The following CELSR1 variants were observed in gnomAD, a reference collection of about 807,000 sequenced individuals.
The protein encoded by CELSR1 is cadherin EGF LAG seven-pass G-type receptor 1.
CELSR1 carries 110 observed loss-of-function variants against 249.1 expected under a neutral mutation model. That is an observed-to-expected ratio of 0.44 (90% CI 0.38 to 0.52). The LOEUF (loss-of-function observed/expected upper bound fraction) is 0.52. CELSR1 is among the 20% of genes least tolerant of loss of function. CELSR1 has a pLI of 0.00. For synonymous variants in CELSR1, 2,113 were observed against 1,900.0 expected, an observed-to-expected ratio of 1.11 and a Z score of -2.92; for missense variants, 4,109 against 4,296.4, an observed-to-expected ratio of 0.96 and a Z score of 1.22.
Position 46,381,859 on chromosome 22 carries a change from G to A in CELSR1, c.7075C>T (p.Arg2359Cys), listed in dbSNP as rs866920467. The change falls in exon 21 of 35, where the codon CGT (arginine) becomes TGT (cysteine). Residue 2359 changes from arginine to cysteine, a missense_variant. By Grantham distance (180) the Arg-to-Cys change is radical (BLOSUM62 -3). Coordinates refer to ENST00000674500, the MANE Select transcript of CELSR1 (RefSeq NM_001378328.1). This position sits in a 1 kb window ranked among gnomAD's most constrained non-coding sequence, Gnocchi z 6.0. ...CCCAGGCCTTACCGGAGGCTGCGAC[G>A]GTCGGGGTCGTAGCGCTCGGGCAGG... ...QLLPERYDPD[R>C]RSLRLPHRPI... is the part of the protein sequence containing the mutation. 1.5e-5 allele frequency: 23 copies of A among 1,559,790 alleles called. No homozygotes were observed. Among genetic ancestry groups the A allele is most frequent in the Admixed American group, 7.5e-5 (4 of 53,164 alleles).
At chr22:46,515,692 A>G (rs2080619692) in intron 1 of CELSR1, among the ~76,000 whole-genome samples, 1 of 152,120 alleles carries the variant, frequency 6.6e-6, no homozygotes, top group South Asian at 2.1e-4. Context: ...TCAGGGGATG[A>G]CTAAGTCACT....
intron 29 of CELSR1, 40 bp downstream of exon 29, chr22:46,366,953 G>GT: frequency 6.4e-7 from 1 of 1,569,848 alleles, no homozygotes; most frequent in Non-Finnish European, 8.6e-7. Flanking sequence ...TCGAGATGCC[G>GT]CCCAGCCCCC....
intron 4 of CELSR1, among the ~76,000 whole-genome samples, chr22:46,435,448 A>C (rs971383951): frequency 1.3e-5 from 2 of 150,234 alleles, no homozygotes; most frequent in Non-Finnish European, 3.0e-5. Context: ...TACCTGGCTA[A>C]TTTTTGTATT....
At chr22:46,389,521 G>C in intron 17 of CELSR1, 22 bp from the exon 18 acceptor site, 1 of 1,611,910 alleles carries the variant, frequency 6.2e-7, no homozygotes, top group Non-Finnish European at 8.5e-7. Flanking sequence ...AGGCAGTCGT[G>C]ATGTGTGCAA....
chr22:46,390,045 G>A lies in CELSR1; in HGVS notation c.6345+347C>T, dbSNP rs1203996859. Among the ~76,000 whole-genome samples, 1 of 152,204 alleles carries A rather than the reference G, an allele frequency of 6.6e-6. No homozygotes were observed. The highest frequency in any genetic ancestry group is 1.5e-5 in the Non-Finnish European group (1 of 68,032). ...GGTCTGGTGGGCCAAAGAGGGCTCAGAGAAAGATAGCGAGTGGGAGACGTG... is the reference window on the plus strand; with the variant it reads ...GGTCTGGTGGGCCAAAGAGGGCTCAAAGAAAGATAGCGAGTGGGAGACGTG... On this transcript the variant is annotated intron_variant, in intron 17 of 34. Transcript: ENST00000674500. This position sits in a 1 kb window ranked among gnomAD's most constrained non-coding sequence, Gnocchi z 6.3.
At chr22:46,373,095 T>C in intron 24 of CELSR1, 38 bp from the exon 25 acceptor site, 1 of 1,535,970 alleles carries the variant, frequency 6.5e-7, no homozygotes, top group East Asian at 2.3e-5. Flanking sequence ...GGCCCCTGCA[T>C]CCCAGGCTGA....
Position 46,533,660 on chromosome 22 carries a change from G to A in CELSR1, c.3511C>T (p.Pro1171Ser), listed in dbSNP as rs1306025063. 5.6e-6 allele frequency: 9 copies of A among 1,596,488 alleles called. No individual in the cohort carries two copies. The highest frequency in any genetic ancestry group is 7.7e-6 in the Non-Finnish European group (9 of 1,173,720). Reference protein sequence around the residue: ...QLSRDLDNNRPLEALMEVSVS... With the variant: ...QLSRDLDNNRSLEALMEVSVS... ...GACACCTCCATGAGCGCCTCCAGCG[G>A]CCGGTTGTTGTCCAGGTCGCGGCTG... is the stretch of plus-strand genomic sequence containing the variant. The change falls in exon 1 of 35, where the codon CCG becomes TCG. Residue 1171 changes from proline to serine, a missense_variant. Coordinates refer to ENST00000674500, the MANE Select transcript of CELSR1 (RefSeq NM_001378328.1).
At chr22:46,450,397 G>A (rs1251909414) in intron 2 of CELSR1, among the ~76,000 whole-genome samples, 1 of 152,238 alleles carries the variant, frequency 6.6e-6, no homozygotes. Context: ...CCTGACCCTG[G>A]GTATCCCCAG....
At chr22:46,525,803 C>T (rs1000017756) in intron 1 of CELSR1, among the ~76,000 whole-genome samples, 11 of 152,242 alleles carry the variant, frequency 7.2e-5, no homozygotes, top group Non-Finnish European at 1.6e-4. Flanking sequence ...GTTCTGCTAT[C>T]GGGTTTCAAA....
In CELSR1 at chr22:46,533,775, G is replaced by A. The variant is rs146486675; in HGVS notation, c.3396C>T (p.Pro1132=). 283 of 1,613,622 alleles carry A rather than the reference G, an allele frequency of 1.8e-4. 1 individual carries two copies. In the African/African-American group the frequency reaches 2.2e-3, roughly 12 times the overall value. Residue 1132 remains proline, a synonymous_variant, in exon 1 of 35, where the codon CCC becomes CCT. Coordinates refer to ENST00000674500, the MANE Select transcript of CELSR1 (RefSeq NM_001378328.1). ...TGTAGTTGAGGCTGTCTGACACGTC[G>A]GGGTCATGGGCCGGGATGCAGCCGA... ...GVIGCIPAHD[P]DVSDSLNYTF... is the part of the protein sequence containing the mutation.
Position 46,534,844 on chromosome 22 carries a change from A to T in CELSR1, c.2327T>A (p.Leu776Gln), listed in dbSNP as rs375074461. The T allele has an allele frequency of 2.8e-5, 45 of 1,612,882 alleles. No homozygotes were observed. Among genetic ancestry groups the T allele is most frequent in the Non-Finnish European group, 3.6e-5 (43 of 1,179,960 alleles). The stretch of plus-strand genomic sequence containing the variant: ...GGTGTTGGCATCAGTGACGTTGATT[A>T]GGACATGCGCAGTGTGCGACCGTGT... ...DGTRSHTAHV[L>Q]INVTDANTHR... The change falls in exon 1 of 35, where the codon CTA becomes CAA. Residue 776 changes from leucine to glutamine, a missense_variant. By Grantham distance (113) the Leu-to-Gln change is moderately radical (BLOSUM62 -2). Coordinates refer to ENST00000674500, the MANE Select transcript of CELSR1 (RefSeq NM_001378328.1). The surrounding 1 kb of genome is among the most constrained non-coding windows in gnomAD (Gnocchi z 9.7).
At chr22:46,439,909 T>C (rs2079722931) in intron 2 of CELSR1, among the ~76,000 whole-genome samples, 1 of 152,052 alleles carries the variant, frequency 6.6e-6, no homozygotes, top group African/African-American at 2.4e-5. Flanking sequence ...GCAGGCCACC[T>C]GCCCTGACTG....
rs1428373244 is a variant in CELSR1 at position 46,429,957 on chromosome 22, G to T, written c.4611+3436C>A. ...CTTTGTAAATAACCCTTCCAGGGCTGGTCCCACTGGAGCACCCCATCTGCT... is the reference window on the plus strand; with the variant it reads ...CTTTGTAAATAACCCTTCCAGGGCTTGTCCCACTGGAGCACCCCATCTGCT... On this transcript the variant is annotated intron_variant, in intron 5 of 34. Coordinates refer to ENST00000674500, the MANE Select transcript of CELSR1 (RefSeq NM_001378328.1). The surrounding 1 kb of genome is among the most constrained non-coding windows in gnomAD (Gnocchi z 4.1). 6.6e-6 allele frequency among the ~76,000 whole-genome samples: 1 copy of T among 152,218 alleles called. No homozygotes were observed. Among genetic ancestry groups the T allele is most frequent in the Non-Finnish European group, 1.5e-5 (1 of 68,042 alleles).
Position 46,412,894 on chromosome 22 carries a change from A to G in CELSR1, c.4612-1135T>C, listed in dbSNP as rs1448847898. Among the ~76,000 whole-genome samples the G allele has an allele frequency of 1.3e-5, 2 of 152,242 alleles. No individual in the cohort carries two copies. Among genetic ancestry groups the G allele is most frequent in the African/African-American group, 4.8e-5 (2 of 41,466 alleles). ...CATCCCACAGGTGGCCGTGACGATG[A>G]GCCAGGAGATCGCCAGGCAAGTGCC... On this transcript the variant is annotated intron_variant, in intron 5 of 34. Coordinates refer to ENST00000674500, the MANE Select transcript of CELSR1 (RefSeq NM_001378328.1). This position sits in a 1 kb window ranked among gnomAD's most constrained non-coding sequence, Gnocchi z 4.5.
In CELSR1 at chr22:46,381,919, C is replaced by T. The variant is rs372722843; in HGVS notation, c.7015G>A (p.Ala2339Thr). 357 of 1,572,498 alleles carry T rather than the reference C, an allele frequency of 2.3e-4. No homozygotes were observed. The highest frequency in any genetic ancestry group is 2.9e-4 in the Non-Finnish European group (333 of 1,161,022). ...HPDDAGQFAV[A>T]LVIIYRTLGQ... ...AGGGTGCGGTAAATGATGACCAGAG[C>T]GACGGCGAACTGGCCAGCGTCATCA... Residue 2339 changes from alanine to threonine, a missense_variant, in exon 21 of 35, where the codon GCT becomes ACT. Transcript: ENST00000674500. This position sits in a 1 kb window ranked among gnomAD's most constrained non-coding sequence, Gnocchi z 6.0.
In CELSR1 at chr22:46,380,237, TTCGCCAC is replaced by T. The variant is rs2078962594; in HGVS notation, c.7256+544_7256+550del. Among the ~76,000 whole-genome samples, 1 of 152,222 alleles carries T rather than the reference TTCGCCAC, an allele frequency of 6.6e-6. No individual in the cohort carries two copies. The highest frequency in any genetic ancestry group is 1.5e-5 in the Non-Finnish European group (1 of 68,036). On this transcript the variant is annotated intron_variant, in intron 22 of 34. Transcript: ENST00000674500. This position sits in a 1 kb window ranked among gnomAD's most constrained non-coding sequence, Gnocchi z 5.1. ...ATTCTCGCGCACAGATTCTCCTGCG[TTCGCCAC>T]TCTGTGACTCTCTGACGCTGCTTCT...
intron 1 of CELSR1, among the ~76,000 whole-genome samples, chr22:46,524,866 C>T (rs1377257571): frequency 6.6e-6 from 1 of 152,166 alleles, no homozygotes; most frequent in African/African-American, 2.4e-5. Context: ...GGGGGCTGTC[C>T]GTGCTTCTGC....
chr22:46,364,290 TGCTGCCGGGGGCA>T (rs2078741233), intron 33 of CELSR1, 39 bp from the exon 34 acceptor site: 4 of 1,595,880 alleles, frequency 2.5e-6, no homozygotes, highest in Non-Finnish European at 3.4e-6. Flanking sequence ...GTCCGGGTGA[TGCTGCCGGGGGCA>T]GCTGCTGGGC....
chr22:46,481,489 T>C (rs1348417419), intron 1 of CELSR1: 2 of 1,567,648 alleles, frequency 1.3e-6, no homozygotes, highest in Non-Finnish European at 8.7e-7. Flanking sequence ...GTCGTTGCAA[T>C]GCGTGGTGCA....
Sources: allele counts gnomAD v4.1 joint callset (sites outside exome capture counted in the v4.1 genomes callset), GRCh38; gene constraint gnomAD v4.1.1; non-coding constraint Gnocchi (gnomAD v3.1); transcripts MANE v1.5; gene names NCBI Gene and HGNC (gene_info 2026-07-23, HGNC 2026-07-21).